TCF12: variants seen among roughly 807,000 people sequenced by gnomAD.
The protein encoded by TCF12 is DNA-binding protein HTF4.
A neutral mutation model predicts 86.0 loss-of-function variants in TCF12; 45 were observed. The observed-to-expected ratio is 0.52, with a 90% CI of 0.41 to 0.67. The LOEUF is 0.67. TCF12 is among the 30% of genes least tolerant of loss of function. The pLI is 0.00. For missense variants in TCF12, 881 were observed against 859.9 expected (o/e 1.02, Z -0.31); for synonymous variants, 330 against 299.6 (o/e 1.10, Z -1.05).
chr15:56,939,347 T>C (rs2060623994), intron 3 of TCF12, among the ~76,000 whole-genome samples: 1 of 152,152 alleles, frequency 6.6e-6, no homozygotes, highest in Non-Finnish European at 1.5e-5. Context: ...CTATGCCTAG[T>C]AGATTTTGAG....
intron 3 of TCF12, among the ~76,000 whole-genome samples, chr15:57,060,293 T>C (rs2068363951): frequency 1.3e-5 from 2 of 152,174 alleles, no homozygotes; most frequent in African/African-American, 2.4e-5. Context: ...TAATGTTCCT[T>C]ACTGGAAAAT....
chr15:57,166,980 T>C (rs764148350), intron 6 of TCF12, among the ~76,000 whole-genome samples: 12 of 152,208 alleles, frequency 7.9e-5, no homozygotes, highest in Non-Finnish European at 1.5e-4. Flanking sequence ...TTTCTGCCTT[T>C]TTCCTCATAT....
intron 3 of TCF12, among the ~76,000 whole-genome samples, chr15:56,958,676 AGAGT>A (rs1368834279): frequency 5.6e-4 from 52 of 92,584 alleles, no homozygotes; most frequent in Admixed American, 1.1e-3. Context: ...AGAGAGAGAG[AGAGT>A]GTGTGTGTGT....
At chr15:57,185,272 A>C (rs2151669348) in intron 6 of TCF12, among the ~76,000 whole-genome samples, 1 of 152,324 alleles carries the variant, frequency 6.6e-6, no homozygotes, top group African/African-American at 2.4e-5. Context: ...GGTTTAGTAC[A>C]TTGTTTGCTT....
chr15:57,119,129 T>C (rs1295194496), intron 5 of TCF12, among the ~76,000 whole-genome samples: 1 of 152,130 alleles, frequency 6.6e-6, no homozygotes, highest in Admixed American at 6.5e-5. Context: ...AGTCTCACTC[T>C]TTCACCAGGC....
intron 5 of TCF12, among the ~76,000 whole-genome samples, chr15:57,112,481 A>G (rs1483225246): frequency 6.6e-6 from 1 of 152,148 alleles, no homozygotes; most frequent in Non-Finnish European, 1.5e-5. Flanking sequence ...TGATCTCAAC[A>G]AATGTTCAAG....
chr15:57,092,301 A>G (rs183334725), intron 5 of TCF12, among the ~76,000 whole-genome samples: 296 of 152,296 alleles, frequency 1.9e-3, no homozygotes, highest in African/African-American at 6.8e-3. Flanking sequence ...GCATTGGACA[A>G]TATTTCTCCT....
intron 3 of TCF12, among the ~76,000 whole-genome samples, chr15:56,925,240 G>GCACCCCCCCCCCCCCC (rs2059953108): frequency 7.3e-6 from 1 of 136,260 alleles, no homozygotes; most frequent in African/African-American, 2.7e-5. Context: ...GGTGTCCACC[G>GCACCCCCCCCCCCCCC]CCCCCCCACC....
At chr15:56,989,318 A>C (rs1418318340) in intron 3 of TCF12, among the ~76,000 whole-genome samples, 1 of 152,178 alleles carries the variant, frequency 6.6e-6, no homozygotes, top group African/African-American at 2.4e-5. Context: ...TGCAAAGCCT[A>C]AGATATTTTC....
At chr15:57,010,826 A>G (rs1167378272) in intron 3 of TCF12, among the ~76,000 whole-genome samples, 2 of 152,174 alleles carry the variant, frequency 1.3e-5, no homozygotes, top group East Asian at 1.9e-4. Context: ...CAGGAGGGTA[A>G]GTCCTCAGAT....
intron 3 of TCF12, among the ~76,000 whole-genome samples, chr15:56,938,605 T>C (rs905530938): frequency 1.3e-5 from 2 of 152,020 alleles, no homozygotes; most frequent in African/African-American, 4.8e-5. Context: ...TTTGAACGTC[T>C]GTTAGAATTC....
intron 6 of TCF12, among the ~76,000 whole-genome samples, chr15:57,191,190 G>A (rs1257696704): frequency 6.6e-6 from 1 of 152,208 alleles, no homozygotes; most frequent in Non-Finnish European, 1.5e-5. Flanking sequence ...TGGGCCAGCT[G>A]CAGTGGCTCA....
intron 3 of TCF12, among the ~76,000 whole-genome samples, chr15:57,045,987 C>T (rs2067207704): frequency 6.6e-6 from 1 of 152,224 alleles, no homozygotes; most frequent in African/African-American, 2.4e-5. Context: ...CAGCAGATGA[C>T]TGCCTTCCAC....
At chr15:57,082,090 A>G (rs946299423) in intron 4 of TCF12, among the ~76,000 whole-genome samples, 2 of 152,212 alleles carry the variant, frequency 1.3e-5, no homozygotes, top group Non-Finnish European at 2.9e-5. Context: ...ACTTACCCTT[A>G]AAGATGATTG....
At chr15:57,269,833 A>G (rs1357718054) in intron 18 of TCF12, among the ~76,000 whole-genome samples, 1 of 152,184 alleles carries the variant, frequency 6.6e-6, no homozygotes, top group East Asian at 1.9e-4. Context: ...TTGGCTGGAT[A>G]TGAAATTCTG....
At chr15:56,919,762 G>A in intron 1 of TCF12, 130 bp from the exon 2 acceptor site, 1 of 713,666 alleles carries the variant, frequency 1.4e-6, no homozygotes, top group Non-Finnish European at 2.2e-6. Flanking sequence ...CGGTGGGAGC[G>A]AGTCGGGGTC....
rs369150448 is a variant in TCF12 at position 57,253,302 on chromosome 15, C to T, written c.1301C>T (p.Ala434Val). 190 of 1,613,892 alleles carry T rather than the reference C, an allele frequency of 1.2e-4. No homozygotes were observed. The highest frequency in any genetic ancestry group is 1.6e-4 in the Non-Finnish European group (188 of 1,179,954). ...MEDRLDRLDD[A>V]IHVLRNHAVG... ...GATCGTTTAGACAGACTGGATGATGCAATCCATGTGCTGCGGAACCATGCT... is the reference window on the plus strand; with the variant it reads ...GATCGTTTAGACAGACTGGATGATGTAATCCATGTGCTGCGGAACCATGCT... The change falls in exon 16 of 21, where the codon GCA becomes GTA. Residue 434 changes from alanine (A) to valine (V), a missense_variant. By Grantham distance (64) the Ala-to-Val change is moderately conservative. Transcript: ENST00000333725.
At chr15:57,085,823 GT>G (rs1269438904) in intron 4 of TCF12, among the ~76,000 whole-genome samples, 1 of 152,058 alleles carries the variant, frequency 6.6e-6, no homozygotes, top group African/African-American at 2.4e-5. Context: ...TGGCTTATGG[GT>G]TTTGGCCGAT....
At chr15:56,946,315 T>C (rs1175528023) in intron 3 of TCF12, among the ~76,000 whole-genome samples, 1 of 152,200 alleles carries the variant, frequency 6.6e-6, no homozygotes, top group African/African-American at 2.4e-5. Context: ...TCAGTTTTAA[T>C]AGTTTCTCTT....
Sources: allele counts gnomAD v4.1 joint callset (sites outside exome capture counted in the v4.1 genomes callset), GRCh38; gene constraint gnomAD v4.1.1; transcripts MANE v1.5; gene names NCBI Gene and HGNC (gene_info 2026-07-23, HGNC 2026-07-21).